ATRNL1: variants seen among roughly 807,000 people sequenced by gnomAD.
The protein encoded by ATRNL1 is attractin-like protein 1.
Under a neutral mutation model 182.7 loss-of-function variants are expected in ATRNL1, and 95 were observed. That is an observed-to-expected ratio of 0.52 (90% CI 0.44 to 0.62). The LOEUF is 0.62. ATRNL1 is among the 20% of genes least tolerant of loss of function. The pLI, the probability that ATRNL1 is intolerant of heterozygous loss-of-function variation, is 0.00. For missense variants in ATRNL1, 1,471 were observed against 1,679.5 expected (o/e 0.88, Z 2.17); for synonymous variants, 576 against 568.3 (o/e 1.01, Z -0.19).
chr10:115,183,339 G>T (rs1847818579), intron 8 of ATRNL1, among the ~76,000 whole-genome samples: 1 of 151,114 alleles, frequency 6.6e-6, no homozygotes, highest in Non-Finnish European at 1.5e-5. Context: ...AACAAGTAAA[G>T]ATTTTTGCAT....
intron 24 of ATRNL1, among the ~76,000 whole-genome samples, chr10:115,479,467 TTTAATC>T (rs1336629740): frequency 4.6e-5 from 7 of 151,522 alleles, no homozygotes; most frequent in Admixed American, 2.0e-4. Flanking sequence ...GGAAAGCTGT[TTTAATC>T]TAATGTAAAT....
At chr10:115,332,473 A>G (rs1269599323) in intron 18 of ATRNL1, among the ~76,000 whole-genome samples, 1 of 152,246 alleles carries the variant, frequency 6.6e-6, no homozygotes, top group African/African-American at 2.4e-5. Flanking sequence ...CTTTCTAAAT[A>G]TAATGCTCTG....
At chr10:115,309,610 T>C (rs1853913533) in intron 17 of ATRNL1, among the ~76,000 whole-genome samples, 1 of 152,166 alleles carries the variant, frequency 6.6e-6, no homozygotes, top group East Asian at 1.9e-4. Flanking sequence ...CTGATCAGTG[T>C]ACATTGTTTT....
chr10:115,131,341 A>T (rs1554875118), intron 5 of ATRNL1, among the ~76,000 whole-genome samples: 1 of 152,132 alleles, frequency 6.6e-6, no homozygotes, highest in African/African-American at 2.4e-5. Context: ...AGACAATTTT[A>T]TACCATTTTC....
chr10:115,724,402 G>A (rs782463038), intron 26 of ATRNL1, among the ~76,000 whole-genome samples: 10 of 152,008 alleles, frequency 6.6e-5, no homozygotes, highest in Middle Eastern at 3.2e-3. Context: ...TTAGTGTGCC[G>A]TCTTCTGAGA....
At chr10:115,782,925 T>C (rs1422401322) in intron 27 of ATRNL1, among the ~76,000 whole-genome samples, 1 of 152,222 alleles carries the variant, frequency 6.6e-6, no homozygotes, top group African/African-American at 2.4e-5. Flanking sequence ...TCATGTTAAC[T>C]GATCAAATAT....
intron 27 of ATRNL1, among the ~76,000 whole-genome samples, chr10:115,846,394 A>G (rs1427644154): frequency 6.6e-6 from 1 of 152,090 alleles, no homozygotes; most frequent in Non-Finnish European, 1.5e-5. Context: ...GCCTCATTAA[A>G]CTTTCTAGAA....
chr10:115,887,498 A>C (rs1217287816), intron 28 of ATRNL1, among the ~76,000 whole-genome samples: 1 of 152,074 alleles, frequency 6.6e-6, no homozygotes, highest in Non-Finnish European at 1.5e-5. Context: ...CTCTTTTATA[A>C]GGGCACTGGT....
chr10:115,209,318 C>A (rs2144363931), intron 8 of ATRNL1, among the ~76,000 whole-genome samples: 1 of 151,194 alleles, frequency 6.6e-6, no homozygotes, highest in South Asian at 2.1e-4. Flanking sequence ...AATCATAGAG[C>A]CTACACTTGT....
chr10:115,794,662 A>G (rs1949608467), intron 27 of ATRNL1, among the ~76,000 whole-genome samples: 1 of 152,190 alleles, frequency 6.6e-6, no homozygotes, highest in African/African-American at 2.4e-5. Flanking sequence ...TCACTTCAGC[A>G]AAAGTGATTC....
In ATRNL1 at chr10:115,945,000, C is replaced by T. The variant is rs556511030; in HGVS notation, c.*221C>T. On this transcript the variant is annotated 3_prime_UTR_variant, in exon 29 of 29. Coordinates refer to ENST00000355044, the MANE Select transcript of ATRNL1 (RefSeq NM_207303.4). ...TGATAAAGTCAGTTTTTACCACTAT[C>T]TTAGGCTTATTATAGCTAACATTAA... 39 of 367,438 alleles carry T rather than the reference C, an allele frequency of 1.1e-4. No homozygotes were observed. Among genetic ancestry groups the T allele is most frequent in the Admixed American group, 7.4e-4 (16 of 21,744 alleles). The allele number at this position is 367,438 out of a possible 1,614,324, so 22.8% of individuals were successfully genotyped here.
chr10:115,745,681 T>G (rs1023085013), intron 27 of ATRNL1, among the ~76,000 whole-genome samples: 1 of 152,176 alleles, frequency 6.6e-6, no homozygotes, highest in Non-Finnish European at 1.5e-5. Flanking sequence ...GATGGTATCT[T>G]GTTGTATTAG....
intron 5 of ATRNL1, among the ~76,000 whole-genome samples, chr10:115,145,704 T>C (rs1430847675): frequency 6.6e-6 from 1 of 152,166 alleles, no homozygotes; most frequent in Non-Finnish European, 1.5e-5. Flanking sequence ...TCAGATTCAG[T>C]ACATACTAAA....
At chr10:115,206,061 A>G (rs1554893649) in intron 8 of ATRNL1, among the ~76,000 whole-genome samples, 1 of 152,034 alleles carries the variant, frequency 6.6e-6, no homozygotes, top group East Asian at 1.9e-4. Flanking sequence ...TTTATTTCAC[A>G]CTTATCCGTG....
chr10:115,517,169 A>C (rs192884894), intron 24 of ATRNL1, among the ~76,000 whole-genome samples: 45 of 151,954 alleles, frequency 3.0e-4, no homozygotes, highest in Admixed American at 2.8e-3. Context: ...ATTTCTTCCA[A>C]AATTTTGCCA....
intron 1 of ATRNL1, among the ~76,000 whole-genome samples, chr10:115,115,458 G>GA (rs769836266): frequency 7.2e-5 from 11 of 152,004 alleles, no homozygotes; most frequent in Non-Finnish European, 5.9e-5. Flanking sequence ...TAATTAGCCT[G>GA]ATCTGCTCAG....
chr10:115,721,316 G>T (rs555353205), intron 26 of ATRNL1, among the ~76,000 whole-genome samples: 1 of 152,084 alleles, frequency 6.6e-6, no homozygotes, highest in Non-Finnish European at 1.5e-5. Flanking sequence ...ACTTTGATAC[G>T]CATAGTCATG....
chr10:115,734,573 AGCTC>A (rs1947893854), intron 27 of ATRNL1, among the ~76,000 whole-genome samples: 1 of 152,112 alleles, frequency 6.6e-6, no homozygotes, highest in African/African-American at 2.4e-5. Flanking sequence ...TAGAAATGAT[AGCTC>A]ATTCGATATC....
At chr10:115,304,035 G>T (rs1554925455) in intron 17 of ATRNL1, among the ~76,000 whole-genome samples, 1 of 152,040 alleles carries the variant, frequency 6.6e-6, no homozygotes, top group East Asian at 1.9e-4. Context: ...TGTCATATTT[G>T]AAACTTTTAA....
Sources: allele counts gnomAD v4.1 joint callset (sites outside exome capture counted in the v4.1 genomes callset), GRCh38; gene constraint gnomAD v4.1.1; transcripts MANE v1.5; gene names NCBI Gene and HGNC (gene_info 2026-07-23, HGNC 2026-07-21).